Variants in CDYL observed in about 807,000 individuals in gnomAD.
CDYL encodes the protein chromodomain Y-like protein.
CDYL carries 8 observed loss-of-function variants against 47.3 expected under a neutral mutation model. That is an observed-to-expected ratio of 0.17 (90% CI 0.10 to 0.31). The LOEUF (loss-of-function observed/expected upper bound fraction) is 0.31, where lower values mean the gene tolerates loss of function less well. CDYL is among the 10% of genes least tolerant of loss of function. The probability of loss-of-function intolerance (pLI) is 1.00; values close to 1 mark genes in which losing one functional copy is unlikely to be tolerated. For missense variants in CDYL, 471 were observed against 701.4 expected (o/e 0.67, Z 3.71); for synonymous variants, 266 against 265.0 (o/e 1.00, Z -0.04).
intron 2 of CDYL, among the ~76,000 whole-genome samples, chr6:4,915,876 A>C (rs1757542386): frequency 6.6e-6 from 1 of 152,190 alleles, no homozygotes; most frequent in South Asian, 2.1e-4. Flanking sequence ...TCTGTACGGC[A>C]AGAAGCTTGG....
intron 1 of CDYL, among the ~76,000 whole-genome samples, chr6:4,853,767 C>T (rs1760921354): frequency 6.6e-6 from 1 of 152,256 alleles, no homozygotes; most frequent in Admixed American, 6.5e-5. Context: ...GTTTGTGTGG[C>T]ACACTGGCTC....
chr6:4,782,079 G>A (rs1021837537), intron 1 of CDYL, among the ~76,000 whole-genome samples: 1 of 151,706 alleles, frequency 6.6e-6, no homozygotes, highest in Non-Finnish European at 1.5e-5. Flanking sequence ...GGTGGGTTGG[G>A]GATCTGCCTG....
intron 2 of CDYL, among the ~76,000 whole-genome samples, chr6:4,911,524 T>A (rs1757415812): frequency 1.3e-5 from 2 of 152,178 alleles, no homozygotes; most frequent in South Asian, 4.1e-4. Flanking sequence ...ATTGATACAG[T>A]ATTCATGGTA....
At chr6:4,813,608 GA>G (rs201221343) in intron 1 of CDYL, among the ~76,000 whole-genome samples, 2 of 152,162 alleles carry the variant, frequency 1.3e-5, no homozygotes, top group East Asian at 3.8e-4. Flanking sequence ...GAGATTGACG[GA>G]TCCATTTGTG....
intron 1 of CDYL, among the ~76,000 whole-genome samples, chr6:4,833,825 T>C (rs2127455021): frequency 6.6e-6 from 1 of 152,132 alleles, no homozygotes; most frequent in African/African-American, 2.4e-5. Context: ...TACCATTATG[T>C]AATGGCCTTC....
At chr6:4,813,207 G>A (rs766965352) in intron 1 of CDYL, among the ~76,000 whole-genome samples, 8 of 152,100 alleles carry the variant, frequency 5.3e-5, no homozygotes, top group Non-Finnish European at 1.2e-4. Flanking sequence ...GTGTAGGCTG[G>A]GAACTTCCAG....
intron 1 of CDYL, among the ~76,000 whole-genome samples, chr6:4,790,403 A>G (rs1278723239): frequency 6.6e-6 from 1 of 152,186 alleles, no homozygotes; most frequent in Non-Finnish European, 1.5e-5. Flanking sequence ...ATTAGATGTT[A>G]TTTTTCTCCA....
chr6:4,827,855 A>G (rs2127452015), intron 1 of CDYL, among the ~76,000 whole-genome samples: 1 of 152,234 alleles, frequency 6.6e-6, no homozygotes, highest in African/African-American at 2.4e-5. Context: ...GGGTTTCACC[A>G]TGTTGACTAG....
chr6:4,953,792 A>G (rs1462177889), intron 6 of CDYL, 106 bp from the exon 7 acceptor site: 29 of 1,045,856 alleles, frequency 2.8e-5, no homozygotes, highest in Non-Finnish European at 3.9e-5. Context: ...CCTTTTTAAC[A>G]GGTGATTGCT....
intron 3 of CDYL, among the ~76,000 whole-genome samples, chr6:4,737,948 C>T (rs190038203): frequency 3.3e-5 from 5 of 151,926 alleles, no homozygotes; most frequent in Non-Finnish European, 7.4e-5. Context: ...AAGTCAAAAG[C>T]CTAAAAGAAA....
rs550258468 is a variant in CDYL at position 4,762,263 on chromosome 6, T to A, written c.186+27419T>A. ...CTTTTAATTCTTTCAAGCCATGAAA[T>A]TGATTTTAGGTGACATTTTAGTGTT... On this transcript the variant is annotated intron_variant, in intron 3 of 8. Transcript: ENST00000328908. 7.9e-5 allele frequency among the ~76,000 whole-genome samples: 12 copies of A among 152,318 alleles called. No homozygotes were observed. In the East Asian group the frequency reaches 2.3e-3, roughly 29 times the overall value.
At chr6:4,790,502 AAGT>A (rs1758889314) in intron 1 of CDYL, among the ~76,000 whole-genome samples, 1 of 152,188 alleles carries the variant, frequency 6.6e-6, no homozygotes, top group African/African-American at 2.4e-5. Context: ...CGCTTTTGGA[AAGT>A]AGGCGGACAT....
chr6:4,741,777 G>A (rs770945608), intron 3 of CDYL, among the ~76,000 whole-genome samples: 1 of 152,172 alleles, frequency 6.6e-6, no homozygotes, highest in Non-Finnish European at 1.5e-5. Flanking sequence ...TAAAGGAGAA[G>A]CAAAGAGTGG....
At chr6:4,925,753 C>T (rs375995407) in intron 2 of CDYL, among the ~76,000 whole-genome samples, 3 of 152,068 alleles carry the variant, frequency 2.0e-5, no homozygotes, top group South Asian at 2.1e-4. Context: ...TGAGAGTGGA[C>T]GAGTCCAGGA....
chr6:4,951,544 A>G (rs540322444), intron 5 of CDYL, among the ~76,000 whole-genome samples: 9 of 152,058 alleles, frequency 5.9e-5, no homozygotes, highest in Admixed American at 3.3e-4. Context: ...AAGAAAACCT[A>G]ATGTTAGCTT....
At chr6:4,887,002 A>G (rs994691627) in intron 1 of CDYL, among the ~76,000 whole-genome samples, 2 of 152,162 alleles carry the variant, frequency 1.3e-5, no homozygotes, top group Admixed American at 6.5e-5. Context: ...AAAATATTTG[A>G]CCATATATAA....
At position 4,855,463 on chromosome 6, in the gene CDYL, C is replaced by T. The variant is rs1240692902; in HGVS notation, c.25-36250C>T. On this transcript the variant is annotated intron_variant, in intron 1 of 6. Transcript: ENST00000397588. ...ATGCCACCACCCAGCTAATTTTTATCAGCAGTTTTTAACCTATTTAAGCCC... is the reference window on the plus strand; with the variant it reads ...ATGCCACCACCCAGCTAATTTTTATTAGCAGTTTTTAACCTATTTAAGCCC... Among the ~76,000 whole-genome samples the T allele has an allele frequency of 2.0e-5, 3 of 152,116 alleles. No individual in the cohort carries two copies. The East Asian group carries it at 5.8e-4, about 29-fold the overall frequency.
chr6:4,947,499 C>G (rs1758559485), intron 5 of CDYL, among the ~76,000 whole-genome samples: 1 of 152,124 alleles, frequency 6.6e-6, no homozygotes, highest in South Asian at 2.1e-4. Context: ...CCGGCTGCCC[C>G]TCTGCTTGCA....
chr6:4,945,583 C>A (rs1758488373), intron 5 of CDYL, among the ~76,000 whole-genome samples: 2 of 152,232 alleles, frequency 1.3e-5, no homozygotes, highest in South Asian at 4.1e-4. Context: ...CACTTAACTG[C>A]TATAGTTGAT....
Sources: allele counts gnomAD v4.1 joint callset (sites outside exome capture counted in the v4.1 genomes callset), GRCh38; gene constraint gnomAD v4.1.1; transcripts MANE v1.5; gene names NCBI Gene and HGNC (gene_info 2026-07-23, HGNC 2026-07-21).